The following CFAP299 variants were observed in gnomAD, a reference collection of about 807,000 sequenced individuals.
The protein encoded by CFAP299 is cilia- and flagella-associated protein 299.
A neutral mutation model predicts 27.0 loss-of-function variants in CFAP299; 21 were observed. The observed-to-expected ratio is 0.78, with a 90% confidence interval of 0.55 to 1.12. The LOEUF (loss-of-function observed/expected upper bound fraction) is 1.12, where lower values mean the gene tolerates loss of function less well. Ranked by LOEUF, CFAP299 falls within the 50% of genes most tolerant of loss-of-function variation. The probability of loss-of-function intolerance (pLI) is 0.00; values close to 1 mark genes in which losing one functional copy is unlikely to be tolerated. For synonymous variants in CFAP299, 104 were observed against 98.1 expected (o/e 1.06, Z -0.36); for missense variants, 310 against 276.6 (o/e 1.12, Z -0.86).
chr4:80,641,185 A>G (rs1267271706), intron 3 of CFAP299, among the ~76,000 whole-genome samples: 2 of 152,058 alleles, frequency 1.3e-5, no homozygotes, highest in African/African-American at 2.4e-5. Flanking sequence ...TCATCATAAC[A>G]TATTTAGCTA....
intron 2 of CFAP299, among the ~76,000 whole-genome samples, chr4:80,503,871 T>C (rs1441325824): frequency 6.6e-6 from 1 of 152,132 alleles, no homozygotes; most frequent in African/African-American, 2.4e-5. Context: ...GTTGATGGGG[T>C]GGCATTTCCT....
At position 80,352,301 on chromosome 4, in the gene CFAP299, C is replaced by T. The variant is rs187062795; in HGVS notation, c.112-10453C>T. ...AGCAGTCAAAGGCCAGGTGCAGTGA[C>T]TCACACCTGTAATCCCAGCACTTTG... On this transcript the variant is annotated intron_variant, in intron 1 of 5. Coordinates refer to ENST00000358105, the MANE Select transcript of CFAP299 (RefSeq NM_152770.3). Among the ~76,000 whole-genome samples the T allele has an allele frequency of 6.2e-3, 947 of 152,298 alleles. 2 individuals carry two copies. The highest frequency in any genetic ancestry group is 0.024 in the Middle Eastern group (7 of 294).
intron 2 of CFAP299, among the ~76,000 whole-genome samples, chr4:80,410,536 C>T (rs979746938): frequency 6.6e-6 from 1 of 152,144 alleles, no homozygotes. Context: ...TATCTCTGAT[C>T]TCCTCCTAAC....
chr4:80,546,814 G>A (rs1448708479), intron 2 of CFAP299, among the ~76,000 whole-genome samples: 1 of 152,136 alleles, frequency 6.6e-6, no homozygotes, highest in Non-Finnish European at 1.5e-5. Flanking sequence ...ACAGCACCAT[G>A]TTTGTACAGC....
intron 3 of CFAP299, among the ~76,000 whole-genome samples, chr4:80,827,578 A>G (rs1016672133): frequency 7.6e-4 from 115 of 152,072 alleles, no homozygotes; most frequent in African/African-American, 2.6e-3. Flanking sequence ...ACTAAAAACC[A>G]TATATAAAAA....
chr4:80,645,000 C>T (rs150883092), intron 3 of CFAP299, among the ~76,000 whole-genome samples: 18 of 151,804 alleles, frequency 1.2e-4, no homozygotes, highest in Admixed American at 7.9e-4. Context: ...GATGCACCAG[C>T]CCCCCCTCAG....
At chr4:80,739,299 T>C (rs76100004) in intron 3 of CFAP299, among the ~76,000 whole-genome samples, 194 of 152,274 alleles carry the variant, frequency 1.3e-3, no homozygotes, top group African/African-American at 4.4e-3. Context: ...TTTAGCATTA[T>C]TTTCTTTCTA....
At chr4:80,779,498 T>C (rs958287737) in intron 3 of CFAP299, among the ~76,000 whole-genome samples, 1 of 151,998 alleles carries the variant, frequency 6.6e-6, no homozygotes, top group African/African-American at 2.4e-5. Context: ...TTTGTCTTCT[T>C]TTCCCCTTGC....
chr4:80,915,645 CCTT>C (rs1006432082), intron 4 of CFAP299, among the ~76,000 whole-genome samples: 7 of 151,994 alleles, frequency 4.6e-5, no homozygotes, highest in African/African-American at 1.4e-4. Flanking sequence ...CATCTCCTCT[CCTT>C]CTAGAACTCC....
chr4:80,573,506 C>T (rs1233656411), intron 2 of CFAP299, among the ~76,000 whole-genome samples: 2 of 151,990 alleles, frequency 1.3e-5, no homozygotes, highest in Admixed American at 6.6e-5. Flanking sequence ...GTTGCCTGTG[C>T]TTTTGGGGTA....
chr4:80,689,022 C>A lies in CFAP299; in HGVS notation c.333+105839C>A, dbSNP rs548445387. Among the ~76,000 whole-genome samples the A allele has an allele frequency of 9.2e-5, 14 of 152,232 alleles. No homozygotes were observed. The East Asian group carries it at 2.7e-3, about 29-fold the overall frequency. ...AGATAAAAAGAAACGAGCAAAGCCT[C>A]CAAGAAATATGGGACTATGTGAAAA... is the stretch of plus-strand genomic sequence containing the variant. On this transcript the variant is annotated intron_variant, in intron 3 of 5. Coordinates refer to ENST00000358105, the MANE Select transcript of CFAP299 (RefSeq NM_152770.3).
intron 3 of CFAP299, among the ~76,000 whole-genome samples, chr4:80,768,669 G>A (rs1247493612): frequency 6.6e-6 from 1 of 152,108 alleles, no homozygotes; most frequent in Admixed American, 6.6e-5. Flanking sequence ...AAAATTGAAA[G>A]TGTTGCATGA....
intron 4 of CFAP299, among the ~76,000 whole-genome samples, chr4:80,882,333 A>C (rs1733743816): frequency 6.6e-6 from 1 of 152,194 alleles, no homozygotes; most frequent in South Asian, 2.1e-4. Context: ...TCAAAGGAAA[A>C]GCAAAGTTCA....
intron 3 of CFAP299, among the ~76,000 whole-genome samples, chr4:80,869,107 C>G (rs558178099): frequency 7.9e-5 from 12 of 151,910 alleles, no homozygotes; most frequent in Non-Finnish European, 1.8e-4. Context: ...TAGTGTGAGT[C>G]GCAAGAAGTC....
intron 3 of CFAP299, among the ~76,000 whole-genome samples, chr4:80,626,573 G>T (rs71596022): frequency 0.11 from 17,111 of 151,416 alleles, 1,099 homozygotes; most frequent in South Asian, 0.21. Context: ...AAAAATAATA[G>T]AAAAATATAT....
intron 3 of CFAP299, among the ~76,000 whole-genome samples, chr4:80,867,421 T>C (rs1732808371): frequency 6.6e-6 from 1 of 152,216 alleles, no homozygotes. Flanking sequence ...CATTTAGTTA[T>C]TTATACTTAT....
intron 3 of CFAP299, among the ~76,000 whole-genome samples, chr4:80,624,953 C>T (rs1177904128): frequency 2.0e-5 from 3 of 152,032 alleles, no homozygotes; most frequent in Non-Finnish European, 2.9e-5. Context: ...TGAGGGAGTT[C>T]ATCACCACCA....
At chr4:80,335,641 C>CG (rs1722092361), upstream of CFAP299, 13 of 685,596 alleles carry the variant, frequency 1.9e-5, no homozygotes, top group Non-Finnish European at 2.9e-5. Flanking sequence ...AACAAACCGC[C>CG]GGGGGGTGGG....
intron 3 of CFAP299, among the ~76,000 whole-genome samples, chr4:80,778,671 C>A (rs1185253487): frequency 6.6e-6 from 1 of 151,992 alleles, no homozygotes; most frequent in Non-Finnish European, 1.5e-5. Flanking sequence ...TGCAACATAG[C>A]CATTTCTTCC....
Sources: gnomAD v4.1 joint callset for allele counts (sites outside exome capture counted in the v4.1 genomes callset) on GRCh38, gnomAD v4.1.1 for gene constraint, MANE v1.5 for transcripts, NCBI Gene and HGNC (gene_info 2026-07-23, HGNC 2026-07-21) for gene names.